Variants in BRAT1 observed in about 807,000 individuals in gnomAD.
BRAT1 encodes BRCA1 associated ATM activator 1.
BRAT1 carries 74 observed loss-of-function variants against 70.6 expected under a neutral mutation model. That is an observed-to-expected ratio of 1.05 (90% CI 0.87 to 1.27). The LOEUF (loss-of-function observed/expected upper bound fraction) is 1.27. Ranked by LOEUF, BRAT1 falls within the 50% of genes most tolerant of loss-of-function variation. BRAT1 has a pLI of 0.00. For synonymous variants in BRAT1, 615 were observed against 517.1 expected (o/e 1.19, Z -2.57); for missense variants, 1,203 against 1,098.2 (o/e 1.10, Z -1.35).
chr7:2,549,978 T>C (rs565402583), intron 2 of BRAT1, among the ~76,000 whole-genome samples: 1 of 152,026 alleles, frequency 6.6e-6, no homozygotes, highest in African/African-American at 2.4e-5. Context: ...CTGGGCAACG[T>C]GGTGAAACCC....
intron 1 of BRAT1, 29 bp from the exon 2 acceptor site, chr7:2,554,476 C>T: frequency 6.3e-7 from 1 of 1,595,178 alleles, no homozygotes; most frequent in Non-Finnish European, 8.5e-7. Flanking sequence ...AGCCAAACCT[C>T]AATGCCCACT....
intron 2 of BRAT1, among the ~76,000 whole-genome samples, chr7:2,548,744 C>CGAG (rs1280027079): frequency 6.6e-6 from 1 of 151,564 alleles, no homozygotes; most frequent in Non-Finnish European, 1.5e-5. Flanking sequence ...AGGCAGATCA[C>CGAG]GAGGTCAGGA....
intron 6 of BRAT1, chr7:2,542,696 G>A (rs1779270799): frequency 1.1e-5 from 2 of 181,440 alleles, no homozygotes; most frequent in African/African-American, 4.8e-5. Flanking sequence ...GGACCCTCAT[G>A]GTACCCCTGG....
intron 9 of BRAT1, 44 bp downstream of exon 9, chr7:2,541,254 G>A (rs776405026): frequency 3.9e-6 from 6 of 1,523,652 alleles, no homozygotes; most frequent in Non-Finnish European, 5.3e-6. Flanking sequence ...GAGAGTGGGG[G>A]CACAGGGATA....
intron 12 of BRAT1, 42 bp from the exon 13 acceptor site, chr7:2,539,393 G>A (rs779652379): frequency 1.0e-5 from 16 of 1,570,364 alleles, no homozygotes; most frequent in Middle Eastern, 2.1e-4. Context: ...ACTGAGGGCC[G>A]AGCCTTGTCG....
Position 2,541,336 on chromosome 7 carries a change from G to A in BRAT1, c.1283C>T (p.Ala428Val), listed in dbSNP as rs1430920919. Reference protein sequence around the residue: ...TLAGCVRVQRAALDFLGTLSQ... With the variant: ...TLAGCVRVQRVALDFLGTLSQ... The stretch of plus-strand genomic sequence containing the variant: ...CAGCGTCCCCAGGAAGTCGAGGGCT[G>A]CTCGCTGGACCCGGACGCAGCCCGC... The change falls in exon 9 of 14, where the codon GCA (alanine) becomes GTA (valine). Residue 428 changes from alanine (A) to valine (V), a missense_variant. Ala to Val is a moderately conservative substitution (Grantham distance 64, BLOSUM62 0). Transcript: ENST00000340611. 1 of 1,603,310 alleles carries A rather than the reference G, an allele frequency of 6.2e-7. No homozygotes were observed. The highest frequency in any genetic ancestry group is 8.5e-7 in the Non-Finnish European group (1 of 1,178,644).
chr7:2,541,183 C>T (rs547841896), intron 9 of BRAT1, 115 bp downstream of exon 9: 503 of 1,414,568 alleles, frequency 3.6e-4, no homozygotes, highest in Non-Finnish European at 4.6e-4. Context: ...CACCCCTCAG[C>T]CCCCACCCCA....
At chr7:2,538,899 A>C in intron 13 of BRAT1, 135 bp from the exon 14 acceptor site, 1 of 1,484,978 alleles carries the variant, frequency 6.7e-7, no homozygotes, top group Admixed American at 2.2e-5. Context: ...ACACCTTCCC[A>C]TGCTGCGCAG....
At position 2,544,911 on chromosome 7, in the gene BRAT1, T is replaced by C. The variant is rs150127675; in HGVS notation, c.428A>G (p.His143Arg). Residue 143 changes from histidine (H) to arginine (R), a missense_variant and splice_region_variant, in exon 4 of 14, where the codon CAT becomes CGT. By Grantham distance (29) the His-to-Arg change is conservative. Coordinates refer to ENST00000340611, the MANE Select transcript of BRAT1 (RefSeq NM_152743.4). ...GGGTGGGGTGTGGGCGCACTCACCATGGTCGGCCAGGAAGCGCAGGGCGCT... is the reference window on the plus strand; with the variant it reads ...GGGTGGGGTGTGGGCGCACTCACCACGGTCGGCCAGGAAGCGCAGGGCGCT... ...HPSALRFLAD[H>R]GAVDTIFSLQ... 1.3e-6 allele frequency: 2 copies of C among 1,549,922 alleles called. No individual in the cohort carries two copies. The highest frequency in any genetic ancestry group is 1.4e-5 in the African/African-American group (1 of 73,072).
At chr7:2,554,007 GAAC>G (rs1178481729) in intron 2 of BRAT1, among the ~76,000 whole-genome samples, 1 of 152,074 alleles carries the variant, frequency 6.6e-6, no homozygotes, top group African/African-American at 2.4e-5. Flanking sequence ...AATACAACGA[GAAC>G]AACAATAAAA....
At chr7:2,554,500 G>C in intron 1 of BRAT1, 53 bp from the exon 2 acceptor site, 1 of 1,544,224 alleles carries the variant, frequency 6.5e-7, no homozygotes. Flanking sequence ...GACCCAGCTC[G>C]CTCTAGTCAC....
At chr7:2,544,606 T>A (rs943891910) in intron 4 of BRAT1, among the ~76,000 whole-genome samples, 1 of 152,172 alleles carries the variant, frequency 6.6e-6, no homozygotes, top group Non-Finnish European at 1.5e-5. Flanking sequence ...GCTCAAGTGA[T>A]CCTCTTGCTT....
At chr7:2,552,178 C>A (rs1780092533) in intron 2 of BRAT1, among the ~76,000 whole-genome samples, 3 of 122,302 alleles carry the variant, frequency 2.5e-5, no homozygotes, top group South Asian at 5.7e-4. Flanking sequence ...AGTGCAATGG[C>A]GTTATCTCGG....
chr7:2,554,740 C>A (rs1306425786), intron 1 of BRAT1, among the ~76,000 whole-genome samples: 1 of 152,222 alleles, frequency 6.6e-6, no homozygotes, highest in African/African-American at 2.4e-5. Flanking sequence ...GTCTTTGGTG[C>A]AGTCGGGGCA....
Position 2,538,185 on chromosome 7 carries a change from G to A in BRAT1, c.2350C>T (p.Leu784=). The part of the protein sequence containing the change: ...AMLRSLDLEG[L]RSTLAESSDH... ...CTGCTCTCGGCCAGCGTGCTCCGCA[G>A]GCCCTCCAGGTCTAGGGACCTGAGC... Residue 784 remains leucine, a synonymous_variant, in exon 14 of 14, where the codon CTG becomes TTG. Transcript: ENST00000340611. The A allele has an allele frequency of 6.2e-7, 1 of 1,609,476 alleles. No homozygotes were observed. The highest frequency in any genetic ancestry group is 8.5e-7 in the Non-Finnish European group (1 of 1,177,712).
Position 2,538,673 on chromosome 7 carries a change from C to T in BRAT1, c.1862G>A (p.Arg621Gln), listed in dbSNP as rs138077616. The change falls in exon 14 of 14, where the codon CGG (arginine) becomes CAG (glutamine). Residue 621 changes from arginine to glutamine, a missense_variant. By Grantham distance (43) the Arg-to-Gln change is conservative. Coordinates refer to ENST00000340611, the MANE Select transcript of BRAT1 (RefSeq NM_152743.4). ...CTGGGCCGCGTCGGCGTGGCCGTCC[C>T]GCAGCCACTCAGTGAAGACTTGCAT... ...AVMQVFTEWL[R>Q]DGHADAAQDT... is the part of the protein sequence containing the mutation. 2.4e-3 allele frequency: 3,855 copies of T among 1,598,336 alleles called. 18 individuals are homozygous for T. The highest frequency in any genetic ancestry group is 5.5e-3 in the South Asian group (504 of 91,074).
intron 2 of BRAT1, 84 bp from the exon 3 acceptor site, chr7:2,547,562 C>G (rs929377484): frequency 4.1e-6 from 6 of 1,460,898 alleles, no homozygotes; most frequent in Non-Finnish European, 5.6e-6. Flanking sequence ...CTAGCAATTC[C>G]CAGACCCTTT....
At chr7:2,548,177 G>T (rs945007133) in intron 2 of BRAT1, among the ~76,000 whole-genome samples, 3 of 152,030 alleles carry the variant, frequency 2.0e-5, no homozygotes, top group African/African-American at 4.8e-5. Context: ...ATGCAAGCAG[G>T]TACAATGGAA....
Position 2,538,940 on chromosome 7 carries a change from C to T in BRAT1, c.1771-176G>A, listed in dbSNP as rs1778917746. The T allele has an allele frequency of 4.1e-6, 6 of 1,451,592 alleles. No homozygotes were observed. The South Asian group carries it at 7.2e-5, about 17-fold the overall frequency. 89.9% of individuals were successfully genotyped at this position (1,451,592 alleles called of 1,614,324 possible). A position where few individuals can be genotyped will look rare whatever the true frequency, so the allele number is the denominator to read the frequency against. On this transcript the variant is annotated intron_variant, in intron 13 of 13. Coordinates refer to ENST00000340611, the MANE Select transcript of BRAT1 (RefSeq NM_152743.4). ...ACACGGCCCTCCAATCCTCAGTTTA[C>T]CCATCTGTCAAATGGAGGTAACCAT...
Sources: allele counts gnomAD v4.1 joint callset (sites outside exome capture counted in the v4.1 genomes callset), GRCh38; gene constraint gnomAD v4.1.1; transcripts MANE v1.5; gene names NCBI Gene and HGNC (gene_info 2026-07-23, HGNC 2026-07-21).